Variants in IL16 observed in about 807,000 individuals in gnomAD.
IL16 encodes the protein pro-interleukin-16.
Under a neutral mutation model 110.1 loss-of-function variants are expected in IL16, and 67 were observed. The observed-to-expected ratio is 0.61, with a 90% CI of 0.50 to 0.75. IL16 has a LOEUF of 0.75. IL16 is among the 30% of genes least tolerant of loss of function. IL16 has a pLI of 0.00. For missense variants in IL16, 1,545 were observed against 1,655.0 expected (o/e 0.93, Z 1.15); for synonymous variants, 689 against 662.9 (o/e 1.04, Z -0.61).
Position 81,301,434 on chromosome 15 carries a change from C to A in IL16, c.3240C>A (p.Ser1080=). ...GDHSSLQSGQ[S]VISLLSSEEL... ...ACAGTTCCCTTCAGTCTGGTCAGTC[C>A]GTTATCTCCCTGCTGAGCTCAGAAG... is the stretch of plus-strand genomic sequence containing the variant. The change falls in exon 15 of 19, where the codon TCC becomes TCA. Residue 1080 remains serine (S), a synonymous_variant. Coordinates refer to ENST00000683961, the MANE Select transcript of IL16 (RefSeq NM_172217.5). 5 of 1,614,006 alleles carry A rather than the reference C, an allele frequency of 3.1e-6. No homozygotes were observed. The highest frequency in any genetic ancestry group is 4.2e-6 in the Non-Finnish European group (5 of 1,179,922).
At position 81,303,015 on chromosome 15, in the gene IL16, ATGTG is replaced by A. The variant is rs34522610; in HGVS notation, c.3319-508_3319-505del. Reference sequence around the variant, plus strand: ...GTCTAGGCTAGGAAGTACCGTAGTAATGTGTGTGTGTGTGTGTGTGTGTGTGTGT... The same window carrying A: ...GTCTAGGCTAGGAAGTACCGTAGTAATGTGTGTGTGTGTGTGTGTGTGTGT... On this transcript the variant is annotated intron_variant, in intron 15 of 18. Transcript: ENST00000683961. The surrounding 1 kb of genome is among the most constrained non-coding windows in gnomAD (Gnocchi z 4.1). 0.32 allele frequency among the ~76,000 whole-genome samples: 47,265 copies of A among 150,012 alleles called. 8,929 individuals are homozygous for A. Among genetic ancestry groups the A allele is most frequent in the Non-Finnish European group, 0.43 (28,719 of 67,468 alleles).
At chr15:81,230,348 G>A (rs1896929257) in intron 2 of IL16, among the ~76,000 whole-genome samples, 1 of 152,200 alleles carries the variant, frequency 6.6e-6, no homozygotes. Context: ...AGGCCAAATG[G>A]AAGGCAGCTC....
At chr15:81,306,395 A>C (rs1342812167) in intron 17 of IL16, 25 bp from the exon 18 acceptor site, 1 of 1,612,670 alleles carries the variant, frequency 6.2e-7, no homozygotes, top group Admixed American at 1.7e-5. Context: ...GAGGATCCCT[A>C]ACAGAGACCT....
At position 81,267,479 on chromosome 15, in the gene IL16, GAC is replaced by G. The variant is rs56259509; in HGVS notation, c.564+1704_564+1705del. On this transcript the variant is annotated intron_variant, in intron 4 of 18. Coordinates refer to ENST00000683961, the MANE Select transcript of IL16 (RefSeq NM_172217.5). ...ACACATACGCAGACACACATACACA[GAC>G]ACACACACACACACACACACACACA... Among the ~76,000 whole-genome samples, 124 of 107,460 alleles carry G rather than the reference GAC, an allele frequency of 1.2e-3. No homozygotes were observed. In the Middle Eastern group the frequency reaches 0.014, roughly 12 times the overall value. The allele number at this position is 107,460 out of a possible 152,430, so 70.5% of individuals were successfully genotyped here.
chr15:81,201,155 C>CTGTG (rs142114710), intron 1 of IL16, among the ~76,000 whole-genome samples: 3 of 150,514 alleles, frequency 2.0e-5, no homozygotes, highest in African/African-American at 4.9e-5. Context: ...GTGTGTGTCT[C>CTGTG]TGTGTGTGTG....
intron 2 of IL16, among the ~76,000 whole-genome samples, chr15:81,254,285 T>C (rs1897871119): frequency 1.1e-5 from 1 of 90,048 alleles, no homozygotes; most frequent in Admixed American, 9.2e-5. Flanking sequence ...GCAATGGAAT[T>C]GTCATGATCT....
At chr15:81,306,817 G>A in intron 18 of IL16, 1 of 484,262 alleles carries the variant, frequency 2.1e-6, no homozygotes, top group East Asian at 4.1e-5. Flanking sequence ...GGACTCTAGA[G>A]TGGGGCAGTG....
chr15:81,202,509 T>C (rs932573592), intron 1 of IL16, among the ~76,000 whole-genome samples: 1 of 137,102 alleles, frequency 7.3e-6, no homozygotes. Context: ...CAGTGTGTGA[T>C]GTTCCCCTTC....
intron 6 of IL16, among the ~76,000 whole-genome samples, chr15:81,275,809 G>A (rs1360759542): frequency 6.6e-6 from 1 of 152,112 alleles, no homozygotes; most frequent in Admixed American, 6.5e-5. Context: ...TGAATTCAGG[G>A]CAAATACATT....
Position 81,303,752 on chromosome 15 carries a change from A to T in IL16, c.3420+102A>T, listed in dbSNP as rs1286381634. 1 of 781,744 alleles carries T rather than the reference A, an allele frequency of 1.3e-6. No individual in the cohort carries two copies. Among genetic ancestry groups the T allele is most frequent in the Non-Finnish European group, 2.2e-6 (1 of 447,066 alleles). The allele number at this position is 781,744 out of a possible 1,614,324, so 48.4% of individuals were successfully genotyped here. On this transcript the variant is annotated intron_variant, in intron 16 of 18. Transcript: ENST00000683961. This position sits in a 1 kb window ranked among gnomAD's most constrained non-coding sequence, Gnocchi z 4.1. Reference sequence around the variant, plus strand: ...GGGCCCTGTGCTGGGGAAATGAAGAATGCATGACACTAGGCCACTGGGCAG... The same window carrying T: ...GGGCCCTGTGCTGGGGAAATGAAGATTGCATGACACTAGGCCACTGGGCAG...
intron 1 of IL16, among the ~76,000 whole-genome samples, chr15:81,199,265 C>G (rs951631336): frequency 2.0e-5 from 3 of 152,084 alleles, no homozygotes; most frequent in Non-Finnish European, 4.4e-5. Context: ...CAGGAATTTA[C>G]TTCAAGTTCT....
chr15:81,290,641 A>T (rs1899669265), intron 11 of IL16, 101 bp downstream of exon 11: 2 of 745,054 alleles, frequency 2.7e-6, no homozygotes. Flanking sequence ...TAGTAACAGC[A>T]TTTACCATAG....
At chr15:81,275,216 T>C (rs905762736) in intron 6 of IL16, among the ~76,000 whole-genome samples, 1 of 151,544 alleles carries the variant, frequency 6.6e-6, no homozygotes, top group African/African-American at 2.4e-5. Context: ...GCGATGTCCC[T>C]GGATGACCAC....
intron 8 of IL16, 133 bp from the exon 9 acceptor site, chr15:81,282,506 G>A (rs899912306): frequency 1.6e-4 from 111 of 715,974 alleles, no homozygotes; most frequent in Non-Finnish European, 2.6e-4. Context: ...TGCACACAAC[G>A]ACTACTCTGT....
At chr15:81,194,088 C>A (rs1443124996), upstream of IL16, among the ~76,000 whole-genome samples, 1 of 152,148 alleles carries the variant, frequency 6.6e-6, no homozygotes, top group African/African-American at 2.4e-5. Flanking sequence ...AAAGAATTCC[C>A]AAGGCATTTT....
chr15:81,305,805 C>T, intron 16 of IL16, 103 bp from the exon 17 acceptor site: 1 of 1,417,194 alleles, frequency 7.1e-7, no homozygotes. Context: ...CTTTGTTGGC[C>T]TAAAAATCCT....
At chr15:81,272,957 C>A in intron 5 of IL16, 133 bp from the exon 6 acceptor site, 1 of 613,474 alleles carries the variant, frequency 1.6e-6, no homozygotes, top group Non-Finnish European at 3.0e-6. Flanking sequence ...CCTCTGAGAC[C>A]TCTGAGACCA....
At chr15:81,187,375 T>C (rs1161892308) in intron 1 of IL16, among the ~76,000 whole-genome samples, 1 of 152,154 alleles carries the variant, frequency 6.6e-6, no homozygotes, top group East Asian at 1.9e-4. Context: ...AGTAGGGAGA[T>C]GGCTGATGCC....
Position 81,265,801 on chromosome 15 carries a change from G to T in IL16, c.564G>T (p.Ala188=). The change falls in exon 4 of 19, where the codon GCG becomes GCT. Residue 188 remains alanine, a splice_region_variant and synonymous_variant. Transcript: ENST00000683961. ...TGGACTGTCCAGCAGGAAAGGCTGC[G>T]GTAAGAATGGAAGGAGGGAAACTCA... ...QQLDCPAGKA[A]GTSRPTRSLS... 6.2e-7 allele frequency: 1 copy of T among 1,610,084 alleles called. No homozygotes were observed.
Sources: allele counts gnomAD v4.1 joint callset (sites outside exome capture counted in the v4.1 genomes callset), GRCh38; gene constraint gnomAD v4.1.1; non-coding constraint Gnocchi (gnomAD v3.1); transcripts MANE v1.5; gene names NCBI Gene and HGNC (gene_info 2026-07-23, HGNC 2026-07-21).